Variants in B3GALT9 observed in about 807,000 individuals in gnomAD.
The protein encoded by B3GALT9 is UDP-GlcNAc:betaGal beta-1,3-N-acetylglucosaminyltransferase 10 (putative).
In B3GALT9 at chr9:120,800,454, A is replaced by T. The variant is rs1447949375; in HGVS notation, c.*776A>T. On this transcript the variant is annotated 3_prime_UTR_variant, in exon 3 of 3. Coordinates refer to ENST00000689072, the MANE Select transcript of B3GALT9 (RefSeq NM_001386823.1). ...ATTTTTTTATAGAGATGGGGGTTTCATGATGTTGCCCACGCTGGTCTTGAA... is the reference window on the plus strand; with the variant it reads ...ATTTTTTTATAGAGATGGGGGTTTCTTGATGTTGCCCACGCTGGTCTTGAA... Among the ~76,000 whole-genome samples, 1 of 150,820 alleles carries T rather than the reference A, an allele frequency of 6.6e-6. No homozygotes were observed. Among genetic ancestry groups the T allele is most frequent in the Non-Finnish European group, 1.5e-5 (1 of 67,712 alleles).
rs2044953789 is a variant in B3GALT9 at position 120,798,781 on chromosome 9, T to C, written c.213T>C (p.Tyr71=). ...EPLRSNLSKY[Y]VLSQSEICKG... Reference sequence around the variant, plus strand: ...TAAGAAGTAATCTCTCCAAATATTATGTCCTGAGCCAGTCAGAAATATGTA... The same window carrying C: ...TAAGAAGTAATCTCTCCAAATATTACGTCCTGAGCCAGTCAGAAATATGTA... Residue 71 remains tyrosine (Y), a synonymous_variant, in exon 3 of 3, where the codon TAT becomes TAC. Transcript: ENST00000689072. 2.5e-6 allele frequency: 1 copy of C among 399,020 alleles called. No homozygotes were observed. The allele number at this position is 399,020 out of a possible 1,614,324, so 24.7% of individuals were successfully genotyped here. A position where few individuals can be genotyped will look rare whatever the true frequency, so the allele number is the denominator to read the frequency against.
Position 120,800,554 on chromosome 9 carries a change from C to G in B3GALT9, c.*876C>G, listed in dbSNP as rs575007154. Among the ~76,000 whole-genome samples the G allele has an allele frequency of 1.3e-5, 2 of 151,972 alleles. No homozygotes were observed. The highest frequency in any genetic ancestry group is 4.8e-5 in the African/African-American group (2 of 41,370). On this transcript the variant is annotated 3_prime_UTR_variant, in exon 3 of 3. Coordinates refer to ENST00000689072, the MANE Select transcript of B3GALT9 (RefSeq NM_001386823.1). ...TGTTGGGATTATAGGTGTGAGGAAC[C>G]GTACCTGGCCAGTACACAATTCATT...
At position 120,799,056 on chromosome 9, in the gene B3GALT9, T is replaced by A. The variant is rs780004343; in HGVS notation, c.488T>A (p.Ile163Asn). Residue 163 changes from isoleucine (I) to asparagine (N), a missense_variant, in exon 3 of 3, where the codon ATT (isoleucine) becomes AAT (asparagine). Ile to Asn is a moderately radical substitution (Grantham distance 149, BLOSUM62 -3). Coordinates refer to ENST00000689072, the MANE Select transcript of B3GALT9 (RefSeq NM_001386823.1). ...DSSENQTLKIIAMIQWAVAFC... is the reference protein window; with the variant it reads ...DSSENQTLKINAMIQWAVAFC... ...TCTGAGAACCAAACCCTGAAGATCA[T>A]TGCAATGATACAGTGGGCTGTGGCT... is the stretch of plus-strand genomic sequence containing the variant. 21 of 399,010 alleles carry A rather than the reference T, an allele frequency of 5.3e-5. 1 individual carries two copies. The Middle Eastern group carries it at 1.9e-3, about 35-fold the overall frequency. 24.7% of individuals were successfully genotyped at this position (399,010 alleles called of 1,614,324 possible). A position where few individuals can be genotyped will look rare whatever the true frequency, so the allele number is the denominator to read the frequency against.
chr9:120,797,517 AAAAG>A (rs2044947783), intron 2 of B3GALT9, among the ~76,000 whole-genome samples: 3 of 152,282 alleles, frequency 2.0e-5, no homozygotes, highest in South Asian at 4.1e-4. Context: ...AAAAAAAAAA[AAAAG>A]AATGAGCTTT....
chr9:120,797,503 C>T (rs933347710), intron 2 of B3GALT9, among the ~76,000 whole-genome samples: 12 of 147,882 alleles, frequency 8.1e-5, no homozygotes, highest in African/African-American at 2.7e-4. Context: ...GAGACTCCGT[C>T]TCAAAAAAAA....
In B3GALT9 at chr9:120,799,089, CT is replaced by C. The variant is rs2044955651; in HGVS notation, c.522del (p.Asn175MetfsTer20). 2 of 398,954 alleles carry C rather than the reference CT, an allele frequency of 5.0e-6. No individual in the cohort carries two copies. The highest frequency in any genetic ancestry group is 2.5e-4 in the South Asian group (2 of 7,856). The allele number at this position is 398,954 out of a possible 1,614,324, so 24.7% of individuals were successfully genotyped here. A position where few individuals can be genotyped will look rare whatever the true frequency, so the allele number is the denominator to read the frequency against. ...ATACAGTGGGCTGTGGCTTTCTGCC[CT>C]AATGCCCTGTTCATTCTCAAGGTGG... ...AMIQWAVAFC[P>X]NALFILKVDE... On this transcript the variant is annotated frameshift_variant, in exon 3 of 3. Transcript: ENST00000689072. LOFTEE classifies it high-confidence loss of function.
Position 120,798,739 on chromosome 9 carries a change from A to G in B3GALT9, c.171A>G (p.Lys57=), listed in dbSNP as rs528802059. The G allele has an allele frequency of 1.3e-5, 5 of 399,150 alleles. 1 individual carries two copies. The South Asian group carries it at 5.1e-4, about 41-fold the overall frequency. 24.7% of individuals were successfully genotyped at this position (399,150 alleles called of 1,614,324 possible). ...KVLEIKNKAR[K]LNIEPLRSNL... ...TTGAAATTAAGAATAAGGCAAGAAA[A>G]TTGAACATCGAACCCCTAAGAAGTA... is the stretch of plus-strand genomic sequence containing the variant. Residue 57 remains lysine (K), a synonymous_variant, in exon 3 of 3, where the codon AAA becomes AAG. Coordinates refer to ENST00000689072, the MANE Select transcript of B3GALT9 (RefSeq NM_001386823.1).
rs546113408 is a variant in B3GALT9 at position 120,798,001 on chromosome 9, ACT to A, written c.7-571_7-570del. Among the ~76,000 whole-genome samples the A allele has an allele frequency of 7.2e-5, 11 of 152,292 alleles. No homozygotes were observed. In the South Asian group the frequency reaches 2.1e-3, roughly 29 times the overall value. ...AGATTAGGAGCCATTGTCAAAAGAA[ACT>A]CTGATTCAGTATTAGATTAAATTGG... is the stretch of plus-strand genomic sequence containing the variant. On this transcript the variant is annotated intron_variant, in intron 2 of 2. Transcript: ENST00000689072.
chr9:120,793,699 T>C lies in B3GALT9; in HGVS notation c.-405T>C. 1 of 398,714 alleles carries C rather than the reference T, an allele frequency of 2.5e-6. No individual in the cohort carries two copies. The highest frequency in any genetic ancestry group is 4.4e-6 in the Non-Finnish European group (1 of 226,112). 24.7% of individuals were successfully genotyped at this position (398,714 alleles called of 1,614,324 possible). The stretch of plus-strand genomic sequence containing the variant: ...ACCAGCTCTGCAGTAGTTTTTCTTA[T>C]TATCCTCATTTTACGGAGGAGAGGG... On this transcript the variant is annotated 5_prime_UTR_variant, in exon 1 of 3. Coordinates refer to ENST00000689072, the MANE Select transcript of B3GALT9 (RefSeq NM_001386823.1).
chr9:120,795,307 C>T (rs1231861137), intron 1 of B3GALT9, among the ~76,000 whole-genome samples: 2 of 151,172 alleles, frequency 1.3e-5, no homozygotes, highest in South Asian at 4.1e-4. Flanking sequence ...AACCCCAGTA[C>T]AGTTTGATGA....
chr9:120,801,783 T>C lies in B3GALT9; in HGVS notation c.*2105T>C, dbSNP rs1477226097. On this transcript the variant is annotated 3_prime_UTR_variant, in exon 3 of 3. Coordinates refer to ENST00000689072, the MANE Select transcript of B3GALT9 (RefSeq NM_001386823.1). The stretch of plus-strand genomic sequence containing the variant: ...AAATAAATAAAGTGATTTGCTTTCA[T>C]GCTATTGTGTTGTTTGAGTCCCTTA... Among the ~76,000 whole-genome samples the C allele has an allele frequency of 6.6e-6, 1 of 152,178 alleles. No homozygotes were observed. The highest frequency in any genetic ancestry group is 1.5e-5 in the Non-Finnish European group (1 of 68,038).
rs146165132 is a variant in B3GALT9, at chr9:120,794,556, A to G, written c.-182+634A>G. On this transcript the variant is annotated intron_variant, in intron 1 of 2. Transcript: ENST00000689072. ...TGTGTGTGTGTGTGTGTATTTTTGT[A>G]GAGTCAGGGTTTCGCTATGTTACCC... Among the ~76,000 whole-genome samples the G allele has an allele frequency of 3.9e-4, 59 of 149,736 alleles. No homozygotes were observed. In the East Asian group the frequency reaches 0.011, roughly 28 times the overall value.
In B3GALT9 at chr9:120,798,697, T is replaced by C. The variant is rs941605387; in HGVS notation, c.129T>C (p.Tyr43=). The C allele has an allele frequency of 2.5e-6, 1 of 399,232 alleles. No homozygotes were observed. Among genetic ancestry groups the C allele is most frequent in the Non-Finnish European group, 4.4e-6 (1 of 226,100 alleles). 24.7% of individuals were successfully genotyped at this position (399,232 alleles called of 1,614,324 possible). A position where few individuals can be genotyped will look rare whatever the true frequency, so the allele number is the denominator to read the frequency against. ...VEEYFLHSLP[Y]IDVKVLEIKN... is the part of the protein sequence containing the mutation. ...AATACTTTCTGCATTCTTTGCCTTATATAGATGTGAAAGTTCTTGAAATTA... is the reference window on the plus strand; with the variant it reads ...AATACTTTCTGCATTCTTTGCCTTACATAGATGTGAAAGTTCTTGAAATTA... The change falls in exon 3 of 3, where the codon TAT becomes TAC. Residue 43 remains tyrosine (Y), a synonymous_variant. Coordinates refer to ENST00000689072, the MANE Select transcript of B3GALT9 (RefSeq NM_001386823.1).
chr9:120,797,172 G>C (rs575554174), intron 2 of B3GALT9, among the ~76,000 whole-genome samples: 1 of 151,842 alleles, frequency 6.6e-6, no homozygotes, highest in Non-Finnish European at 1.5e-5. Context: ...GAAAGAAAGA[G>C]ATAAGTAAAG....
rs762674275 is a variant in B3GALT9, at chr9:120,801,231, C to T, written c.*1553C>T. 6.6e-6 allele frequency among the ~76,000 whole-genome samples: 1 copy of T among 152,080 alleles called. No homozygotes were observed. The highest frequency in any genetic ancestry group is 1.5e-5 in the Non-Finnish European group (1 of 68,036). ...TATCTTTTGGATATATTTCCAGTAG[C>T]GGAATTGCTAGATTGTGTGGCAGTT... On this transcript the variant is annotated 3_prime_UTR_variant, in exon 3 of 3. Transcript: ENST00000689072.
rs1588059866 is a variant in B3GALT9, at chr9:120,799,921, CATT to C, written c.*246_*248del. ...GAAATATTTCTCTCAAAAGAGAGAA[CATT>C]ATGTTTCATTGTTTATTTAGTTTTC... On this transcript the variant is annotated 3_prime_UTR_variant, in exon 3 of 3. Coordinates refer to ENST00000689072, the MANE Select transcript of B3GALT9 (RefSeq NM_001386823.1). The C allele has an allele frequency of 9.7e-6, 3 of 310,326 alleles. No individual in the cohort carries two copies. The East Asian group carries it at 1.5e-4, about 16-fold the overall frequency. The allele number at this position is 310,326 out of a possible 1,614,324, so 19.2% of individuals were successfully genotyped here. A position where few individuals can be genotyped will look rare whatever the true frequency, so the allele number is the denominator to read the frequency against.
rs1342491692 is a variant in B3GALT9 at position 120,801,460 on chromosome 9, C to T, written c.*1782C>T. Among the ~76,000 whole-genome samples the T allele has an allele frequency of 6.6e-6, 1 of 152,136 alleles. No individual in the cohort carries two copies. Among genetic ancestry groups the T allele is most frequent in the Non-Finnish European group, 1.5e-5 (1 of 68,038 alleles). On this transcript the variant is annotated 3_prime_UTR_variant, in exon 3 of 3. Coordinates refer to ENST00000689072, the MANE Select transcript of B3GALT9 (RefSeq NM_001386823.1). ...TCATTTCTAAGTCAGGTTATTTGGG[C>T]AGGGCACAGTGGCTCATGGCTGTAA... is the stretch of plus-strand genomic sequence containing the variant.
At chr9:120,795,154 T>C (rs2044929539) in intron 1 of B3GALT9, among the ~76,000 whole-genome samples, 1 of 152,214 alleles carries the variant, frequency 6.6e-6, no homozygotes, top group Admixed American at 6.5e-5. Context: ...TCTAGACTTC[T>C]AAGTCAGAAC....
intron 1 of B3GALT9, among the ~76,000 whole-genome samples, chr9:120,794,277 C>T (rs945482320): frequency 2.0e-5 from 3 of 151,956 alleles, no homozygotes; most frequent in African/African-American, 4.8e-5. Flanking sequence ...GGCATCTTGC[C>T]TAAGGTCATA....
Sources: gnomAD v4.1 joint callset for allele counts (sites outside exome capture counted in the v4.1 genomes callset) on GRCh38, gnomAD v4.1.1 for gene constraint, MANE v1.5 for transcripts, NCBI Gene and HGNC (gene_info 2026-07-23, HGNC 2026-07-21) for gene names.